AKAP19: variants seen among roughly 807,000 people sequenced by gnomAD.
AKAP19 encodes the protein A-kinase anchoring protein 19, also known as small A-kinase anchoring protein.
At chr2:189,904,681 C>A in the AKAP19 span, among the ~76,000 whole-genome samples, 1 of 151,858 alleles carries the variant, frequency 6.6e-6, no homozygotes, top group Non-Finnish European at 1.5e-5. Flanking sequence ...GAACATCAGT[C>A]TTTAATCCTT....
At chr2:190,189,928 G>C in the AKAP19 span, 1 of 152,260 alleles carries the variant, frequency 6.6e-6, no homozygotes, top group African/African-American at 2.4e-5. Flanking sequence ...TAGAAAGGAA[G>C]CAGCAGGCCT....
At chr2:190,058,157 T>C in the AKAP19 span, among the ~76,000 whole-genome samples, 2 of 151,964 alleles carry the variant, frequency 1.3e-5, no homozygotes, top group African/African-American at 2.4e-5. Context: ...GAAGGACAAA[T>C]TCAGAAGAAG....
the AKAP19 span, among the ~76,000 whole-genome samples, chr2:190,170,199 A>C: frequency 6.6e-6 from 1 of 152,198 alleles, no homozygotes; most frequent in Non-Finnish European, 1.5e-5. Flanking sequence ...TTCCATCCTG[A>C]GGGCTTCACC....
At chr2:190,117,648 C>T in the AKAP19 span, among the ~76,000 whole-genome samples, 1 of 152,222 alleles carries the variant, frequency 6.6e-6, no homozygotes, top group East Asian at 1.9e-4. Context: ...AAACAATGCC[C>T]AATCCAATCT....
chr2:189,886,723 A>G, the AKAP19 span, among the ~76,000 whole-genome samples: 1 of 152,180 alleles, frequency 6.6e-6, no homozygotes, highest in East Asian at 1.9e-4. Flanking sequence ...CTTAATTAGA[A>G]GTTAAGGCAT....
At chr2:190,077,658 TAGTA>T in the AKAP19 span, among the ~76,000 whole-genome samples, 3 of 152,178 alleles carry the variant, frequency 2.0e-5, no homozygotes, top group Non-Finnish European at 4.4e-5. Context: ...TTTTTCCCCT[TAGTA>T]AGTCTAGTAA....
At chr2:189,939,263 A>C in the AKAP19 span, among the ~76,000 whole-genome samples, 1 of 151,848 alleles carries the variant, frequency 6.6e-6, no homozygotes, top group Non-Finnish European at 1.5e-5. Context: ...GTGGGCAAAA[A>C]CCCCTAGCCA....
chr2:189,955,488 G>A, the AKAP19 span, among the ~76,000 whole-genome samples: 1 of 152,110 alleles, frequency 6.6e-6, no homozygotes, highest in African/African-American at 2.4e-5. Flanking sequence ...CCCAGTAGTG[G>A]AATTGCTGGG....
the AKAP19 span, among the ~76,000 whole-genome samples, chr2:189,904,663 A>G: frequency 6.6e-6 from 1 of 151,994 alleles, no homozygotes; most frequent in Admixed American, 6.6e-5. Context: ...GCAGTTATTG[A>G]TGTTAATGAA....
the AKAP19 span, among the ~76,000 whole-genome samples, chr2:189,956,586 A>G: frequency 8.0e-5 from 12 of 149,782 alleles, no homozygotes; most frequent in Non-Finnish European, 1.3e-4. Context: ...AGAACATATT[A>G]ATTTTTTTTT....
the AKAP19 span, among the ~76,000 whole-genome samples, chr2:190,158,669 T>A: frequency 6.6e-6 from 1 of 152,216 alleles, no homozygotes; most frequent in African/African-American, 2.4e-5. Flanking sequence ...CTGGCTATCA[T>A]CATCTTGGCA....
At chr2:190,019,878 G>C in the AKAP19 span, among the ~76,000 whole-genome samples, 1 of 152,102 alleles carries the variant, frequency 6.6e-6, no homozygotes, top group Admixed American at 6.6e-5. Flanking sequence ...TGTTATCTAT[G>C]AAGGTGTCTC....
chr2:190,022,943 C>A, the AKAP19 span, among the ~76,000 whole-genome samples: 1 of 152,006 alleles, frequency 6.6e-6, no homozygotes, highest in African/African-American at 2.4e-5. Flanking sequence ...GAGAAGAGAC[C>A]TTTAAGAAGG....
chr2:189,887,557 A>C, the AKAP19 span, among the ~76,000 whole-genome samples: 1 of 152,046 alleles, frequency 6.6e-6, no homozygotes, highest in African/African-American at 2.4e-5. Context: ...ACTGTTCCAC[A>C]ATGATTGAAC....
the AKAP19 span, among the ~76,000 whole-genome samples, chr2:190,196,811 TA>T: frequency 6.6e-6 from 1 of 152,192 alleles, no homozygotes; most frequent in Non-Finnish European, 1.5e-5. Context: ...TTTTGTGCTA[TA>T]ATAGCAGAGC....
At chr2:189,964,581 C>T in the AKAP19 span, among the ~76,000 whole-genome samples, 1 of 152,124 alleles carries the variant, frequency 6.6e-6, no homozygotes, top group Non-Finnish European at 1.5e-5. Context: ...GTGTAGCCAC[C>T]TTCATCAATG....
At chr2:190,196,075 A>G in the AKAP19 span, among the ~76,000 whole-genome samples, 6 of 144,604 alleles carry the variant, frequency 4.1e-5, no homozygotes, top group Middle Eastern at 3.8e-3. Flanking sequence ...TTTTTAGTCC[A>G]TTTTCTTTCA....
chr2:189,931,111 A>G, the AKAP19 span: 1 of 365,530 alleles, frequency 2.7e-6, no homozygotes, highest in Non-Finnish European at 5.1e-6. Flanking sequence ...GAGACTATGT[A>G]AATATATTGT....
chr2:190,117,163 C>T, the AKAP19 span, among the ~76,000 whole-genome samples: 4 of 152,104 alleles, frequency 2.6e-5, no homozygotes, highest in Non-Finnish European at 5.9e-5. Context: ...ATCATGTAGG[C>T]AGCAGTCAGG....
Sources: allele counts gnomAD v4.1 joint callset (sites outside exome capture counted in the v4.1 genomes callset), GRCh38; gene constraint gnomAD v4.1.1; transcripts MANE v1.5; gene names NCBI Gene and HGNC (gene_info 2026-07-23, HGNC 2026-07-21).